The following ERBB4 variants were observed in gnomAD, a reference collection of about 807,000 sequenced individuals.
The protein encoded by ERBB4 is erb-b2 receptor tyrosine kinase 4.
A neutral mutation model predicts 158.0 loss-of-function variants in ERBB4; 42 were observed. The ratio of observed to expected loss-of-function variants is 0.27; its 90% CI spans 0.21 to 0.34. The LOEUF (loss-of-function observed/expected upper bound fraction) is 0.34, where lower values mean the gene tolerates loss of function less well. Ranked by LOEUF, ERBB4 falls within the 10% of genes least tolerant of loss-of-function variation. The probability of loss-of-function intolerance (pLI) is 1.00; values close to 1 mark genes in which losing one functional copy is unlikely to be tolerated. For missense variants in ERBB4, 1,333 were observed against 1,624.1 expected, an observed-to-expected ratio of 0.82 and a Z score of 3.08; for synonymous variants, 583 against 558.7, an observed-to-expected ratio of 1.04 and a Z score of -0.61.
At chr2:211,494,035 T>C (rs1559224733) in intron 20 of ERBB4, among the ~76,000 whole-genome samples, 1 of 152,064 alleles carries the variant, frequency 6.6e-6, no homozygotes, top group Non-Finnish European at 1.5e-5. Context: ...TTCCCCAACA[T>C]AGCGTTGCCC....
Position 211,705,268 on chromosome 2 carries a change from T to A in ERBB4, c.1198+50A>T, listed in dbSNP as rs187756203. On this transcript the variant is annotated intron_variant, in intron 10 of 27. Coordinates refer to ENST00000342788, the MANE Select transcript of ERBB4 (RefSeq NM_005235.3). ...TGCCCAGTCAATCTTGTGTAATTTT[T>A]AAAAAAATTATATTGTTCATAGCGC... 179 of 1,322,450 alleles carry A rather than the reference T, an allele frequency of 1.4e-4. 2 individuals carry two copies. In the African/African-American group the frequency reaches 2.1e-3, roughly 15 times the overall value. The allele number at this position is 1,322,450 out of a possible 1,614,324, so 81.9% of individuals were successfully genotyped here.
At chr2:212,107,006 T>G (rs967227419) in intron 2 of ERBB4, among the ~76,000 whole-genome samples, 1 of 152,242 alleles carries the variant, frequency 6.6e-6, no homozygotes, top group Non-Finnish European at 1.5e-5. Context: ...AGGGTGCTCA[T>G]GCAGAACATC....
chr2:211,887,253 T>TACACACACACACACAC (rs112197898), intron 3 of ERBB4, among the ~76,000 whole-genome samples: 94 of 145,400 alleles, frequency 6.5e-4, no homozygotes, highest in Middle Eastern at 3.5e-3. Flanking sequence ...AACAGAGGAT[T>TACACACACACACACAC]ACACACACAC....
intron 20 of ERBB4, among the ~76,000 whole-genome samples, chr2:211,454,643 G>A (rs1343949616): frequency 6.6e-6 from 1 of 152,146 alleles, no homozygotes; most frequent in African/African-American, 2.4e-5. Flanking sequence ...ACAAGAAAAA[G>A]TAACAGAAGA....
At chr2:211,758,177 C>T (rs778868223) in intron 4 of ERBB4, among the ~76,000 whole-genome samples, 7 of 152,062 alleles carry the variant, frequency 4.6e-5, no homozygotes, top group Non-Finnish European at 1.0e-4. Context: ...TAAACATGAA[C>T]ATACTAAATG....
intron 1 of ERBB4, among the ~76,000 whole-genome samples, chr2:212,188,365 G>A (rs759008379): frequency 3.8e-4 from 56 of 148,574 alleles, no homozygotes; most frequent in Non-Finnish European, 7.6e-4. Context: ...TCTCTTGCCT[G>A]TATTATAACA....
chr2:211,978,899 GT>G (rs1052936623), intron 2 of ERBB4, among the ~76,000 whole-genome samples: 2 of 152,012 alleles, frequency 1.3e-5, no homozygotes, highest in African/African-American at 2.4e-5. Flanking sequence ...TTTAAATAGT[GT>G]TTTTTTCCTG....
At position 211,693,017 on chromosome 2, in the gene ERBB4, G is replaced by A. The variant is rs147843148; in HGVS notation, c.1489+8950C>T. On this transcript the variant is annotated intron_variant, in intron 12 of 27. Transcript: ENST00000342788. ...GTGCAGAAACATACCCCTTCCCCAT[G>A]TTGAATAGGTTAAATAGATGCTACA... Among the ~76,000 whole-genome samples the A allele has an allele frequency of 1.5e-3, 229 of 152,246 alleles. 1 individual carries two copies. Among genetic ancestry groups the A allele is most frequent in the African/African-American group, 5.2e-3 (215 of 41,550 alleles).
At position 211,698,210 on chromosome 2, in the gene ERBB4, G is replaced by A. The variant is rs1280552977; in HGVS notation, c.1489+3757C>T. Reference sequence around the variant, plus strand: ...GCCTGTAATCTCAGCTACTAGGGAGGCTGAGGCAGGAGAATTGCTTGAACC... The same window carrying A: ...GCCTGTAATCTCAGCTACTAGGGAGACTGAGGCAGGAGAATTGCTTGAACC... On this transcript the variant is annotated intron_variant, in intron 12 of 27. Coordinates refer to ENST00000342788, the MANE Select transcript of ERBB4 (RefSeq NM_005235.3). Among the ~76,000 whole-genome samples, 5 of 152,028 alleles carry A rather than the reference G, an allele frequency of 3.3e-5. No individual in the cohort carries two copies. In the East Asian group the frequency reaches 9.7e-4, roughly 29 times the overall value.
intron 1 of ERBB4, among the ~76,000 whole-genome samples, chr2:212,440,789 ACT>A (rs2092237476): frequency 6.6e-6 from 1 of 152,170 alleles, no homozygotes; most frequent in Admixed American, 6.5e-5. Context: ...GAGTTTAGTG[ACT>A]CTATACATAC....
intron 2 of ERBB4, among the ~76,000 whole-genome samples, chr2:211,973,710 A>G (rs1406447004): frequency 6.6e-6 from 1 of 152,206 alleles, no homozygotes; most frequent in Non-Finnish European, 1.5e-5. Context: ...ATACCATTCA[A>G]CCCAGCAATC....
At chr2:211,899,811 T>C (rs2079187551) in intron 3 of ERBB4, among the ~76,000 whole-genome samples, 2 of 152,162 alleles carry the variant, frequency 1.3e-5, no homozygotes, top group African/African-American at 4.8e-5. Context: ...GCATAGTAAT[T>C]TGATATGTTG....
intron 1 of ERBB4, among the ~76,000 whole-genome samples, chr2:212,188,404 C>T (rs1324650291): frequency 1.3e-5 from 2 of 151,372 alleles, no homozygotes; most frequent in Non-Finnish European, 2.9e-5. Context: ...GTACACCTCC[C>T]TCTCCCACCC....
chr2:211,458,486 C>T (rs61241208), intron 20 of ERBB4, among the ~76,000 whole-genome samples: 5,143 of 151,978 alleles, frequency 0.034, 271 homozygotes, highest in African/African-American at 0.12. Context: ...GAGATGGTCT[C>T]GATCTCCTGA....
chr2:211,697,115 TCA>T (rs2073056238), intron 12 of ERBB4, among the ~76,000 whole-genome samples: 15 of 148,102 alleles, frequency 1.0e-4, no homozygotes, highest in Middle Eastern at 3.5e-3. Flanking sequence ...GTATGTATAC[TCA>T]TCTGCAAATG....
chr2:211,586,220 C>G (rs192975529), intron 19 of ERBB4, among the ~76,000 whole-genome samples: 35 of 152,184 alleles, frequency 2.3e-4, no homozygotes, highest in African/African-American at 7.5e-4. Context: ...CATTACATAT[C>G]ACCATAACAC....
chr2:211,688,849 T>G (rs2072681862), intron 12 of ERBB4, among the ~76,000 whole-genome samples: 1 of 152,196 alleles, frequency 6.6e-6, no homozygotes, highest in Non-Finnish European at 1.5e-5. Context: ...AGAGACTAAA[T>G]GGAATGCTTT....
rs563277172 is a variant in ERBB4 at position 212,188,596 on chromosome 2, G to C, written c.83-63693C>G. On this transcript the variant is annotated intron_variant, in intron 1 of 27. Transcript: ENST00000342788. ...TTAATGCAAAGACAATTTTGTCTCT[G>C]CATATCTCTTTTGCTTCATCTAGTG... Among the ~76,000 whole-genome samples, 7 of 151,962 alleles carry C rather than the reference G, an allele frequency of 4.6e-5. No individual in the cohort carries two copies. In the South Asian group the frequency reaches 1.2e-3, roughly 27 times the overall value.
At chr2:212,069,230 C>A (rs1431733062) in intron 2 of ERBB4, among the ~76,000 whole-genome samples, 2 of 152,042 alleles carry the variant, frequency 1.3e-5, no homozygotes, top group Non-Finnish European at 2.9e-5. Context: ...GGATCACACA[C>A]CATGACCAAG....
Sources: allele counts gnomAD v4.1 joint callset (sites outside exome capture counted in the v4.1 genomes callset), GRCh38; gene constraint gnomAD v4.1.1; transcripts MANE v1.5; gene names NCBI Gene and HGNC (gene_info 2026-07-23, HGNC 2026-07-21).